Variants in NGLY1 observed in about 807,000 individuals in gnomAD.
NGLY1 encodes the protein peptide-N(4)-(N-acetyl-beta-glucosaminyl)asparagine amidase.
In NGLY1, 68 loss-of-function variants were observed where a neutral mutation model predicts 84.6. That is an observed-to-expected ratio of 0.80 (90% CI 0.66 to 0.98). NGLY1 has a LOEUF of 0.98. Ranked by LOEUF, NGLY1 falls within the 50% of genes least tolerant of loss-of-function variation. The pLI is 0.00. For synonymous variants in NGLY1, 280 were observed against 275.2 expected, an observed-to-expected ratio of 1.02 and a Z score of -0.17; for missense variants, 779 against 770.2, an observed-to-expected ratio of 1.01 and a Z score of -0.14.
rs999602043 is a variant in NGLY1 at position 25,719,394 on chromosome 3, A to C, written c.*66T>G. 3.5e-6 allele frequency: 5 copies of C among 1,431,466 alleles called. No individual in the cohort carries two copies. The African/African-American group carries it at 7.0e-5, about 20-fold the overall frequency. The allele number at this position is 1,431,466 out of a possible 1,614,324, so 88.7% of individuals were successfully genotyped here. ...GGTGGTAACTGCCAACTAAGCATGC[A>C]CTGAACCAACAGACTACTTCAGTAA... On this transcript the variant is annotated 3_prime_UTR_variant, in exon 12 of 12. Transcript: ENST00000280700.
In NGLY1 at chr3:25,733,481, G is replaced by A. The variant is rs1023991184; in HGVS notation, c.1260+391C>T. ...CTCACATGGACGTGTGTGTGTGTGTGTGTGTGTGTGTGTGTGTGTGTGTGT... is the reference window on the plus strand; with the variant it reads ...CTCACATGGACGTGTGTGTGTGTGTATGTGTGTGTGTGTGTGTGTGTGTGT... On this transcript the variant is annotated intron_variant, in intron 8 of 11. Transcript: ENST00000280700. 8.2e-3 allele frequency among the ~76,000 whole-genome samples: 1,206 copies of A among 146,340 alleles called. 19 individuals are homozygous for A. Among genetic ancestry groups the A allele is most frequent in the African/African-American group, 0.029 (1,126 of 38,374 alleles).
chr3:25,744,327 A>G (rs1479759297), intron 4 of NGLY1, among the ~76,000 whole-genome samples: 3 of 152,238 alleles, frequency 2.0e-5, no homozygotes, highest in Non-Finnish European at 4.4e-5. Flanking sequence ...ACATGCAATC[A>G]TGACAAACCT....
In NGLY1 at chr3:25,727,672, C is replaced by T. The variant is rs1194915687; in HGVS notation, c.1611+1461G>A. 3.3e-5 allele frequency among the ~76,000 whole-genome samples: 5 copies of T among 152,268 alleles called. No individual in the cohort carries two copies. In the South Asian group the frequency reaches 6.2e-4, roughly 19 times the overall value. ...AGGTCAGGAATCATCTTTTTGTTTA[C>T]GTAGCTGAGAATAATGCCTGGCACA... is the stretch of plus-strand genomic sequence containing the variant. On this transcript the variant is annotated intron_variant, in intron 10 of 11. Transcript: ENST00000280700.
chr3:25,762,220 A>G (rs1361404227), intron 3 of NGLY1, among the ~76,000 whole-genome samples: 1 of 152,206 alleles, frequency 6.6e-6, no homozygotes, highest in Admixed American at 6.5e-5. Flanking sequence ...ATGCTTTAAA[A>G]AATATCTCTC....
intron 2 of NGLY1, among the ~76,000 whole-genome samples, chr3:25,769,906 A>AT (rs1707812436): frequency 6.6e-6 from 1 of 152,074 alleles, no homozygotes. Flanking sequence ...CACTCAACTA[A>AT]AAGTATAGTC....
At chr3:25,777,290 G>A (rs974256622) in intron 2 of NGLY1, among the ~76,000 whole-genome samples, 1 of 151,762 alleles carries the variant, frequency 6.6e-6, no homozygotes, top group Admixed American at 6.6e-5. Flanking sequence ...AGCTACTCAG[G>A]AGGCTGAGGC....
Position 25,781,285 on chromosome 3 carries a change from C to T in NGLY1, c.131+1975G>A, listed in dbSNP as rs573924796. Among the ~76,000 whole-genome samples, 504 of 152,214 alleles carry T rather than the reference C, an allele frequency of 3.3e-3. 1 individual carries two copies. The highest frequency in any genetic ancestry group is 0.01 in the Middle Eastern group (3 of 294). Reference sequence around the variant, plus strand: ...ATTTTTATATCATCTCTGGACCTCACATTAATCTATTTTTCTCAGTAAAAG... The same window carrying T: ...ATTTTTATATCATCTCTGGACCTCATATTAATCTATTTTTCTCAGTAAAAG... On this transcript the variant is annotated intron_variant, in intron 1 of 11. Coordinates refer to ENST00000280700, the MANE Select transcript of NGLY1 (RefSeq NM_018297.4).
intron 10 of NGLY1, among the ~76,000 whole-genome samples, chr3:25,720,974 G>GA (rs1704959416): frequency 7.2e-6 from 1 of 139,696 alleles, no homozygotes; most frequent in South Asian, 2.3e-4. Flanking sequence ...TGAAATCTTG[G>GA]AAAGAAACCC....
intron 5 of NGLY1, among the ~76,000 whole-genome samples, 164 bp downstream of exon 5, chr3:25,739,413 A>T (rs1459788444): frequency 6.6e-6 from 1 of 152,218 alleles, no homozygotes; most frequent in East Asian, 1.9e-4. Context: ...TACTTACAAA[A>T]ACAGGATGTC....
intron 1 of NGLY1, among the ~76,000 whole-genome samples, chr3:25,779,633 C>T (rs950942536): frequency 6.6e-6 from 1 of 152,176 alleles, no homozygotes; most frequent in Non-Finnish European, 1.5e-5. Context: ...TAGGCAAATG[C>T]TAGCAAATGA....
At chr3:25,760,456 T>C (rs1707253399) in intron 3 of NGLY1, among the ~76,000 whole-genome samples, 2 of 152,206 alleles carry the variant, frequency 1.3e-5, no homozygotes, top group African/African-American at 4.8e-5. Context: ...AAGGACACAA[T>C]GTAATCCCCT....
At chr3:25,733,386 T>G (rs1705642429) in intron 8 of NGLY1, among the ~76,000 whole-genome samples, 1 of 152,114 alleles carries the variant, frequency 6.6e-6, no homozygotes, top group Non-Finnish European at 1.5e-5. Flanking sequence ...CCTTTCATCT[T>G]GGAACTCCAG....
chr3:25,787,723 G>A (rs150126311), upstream of NGLY1, among the ~76,000 whole-genome samples: 3 of 152,250 alleles, frequency 2.0e-5, no homozygotes, highest in South Asian at 2.1e-4. Flanking sequence ...TCTGAACTAC[G>A]GGATTAAATC....
Position 25,719,190 on chromosome 3 carries a change from A to C in NGLY1, c.*270T>G, listed in dbSNP as rs577516465. 5 of 264,200 alleles carry C rather than the reference A, an allele frequency of 1.9e-5. 1 individual carries two copies. The South Asian group carries it at 7.3e-4, about 38-fold the overall frequency. The allele number at this position is 264,200 out of a possible 1,614,324, so 16.4% of individuals were successfully genotyped here. ...CATGAATATCATTATTTAACTTTTA[A>C]AACCATACTTACAGTTTTAGATTAA... On this transcript the variant is annotated 3_prime_UTR_variant, in exon 12 of 12. Coordinates refer to ENST00000280700, the MANE Select transcript of NGLY1 (RefSeq NM_018297.4).
At chr3:25,736,535 T>C (rs1297627368) in intron 6 of NGLY1, 1 of 611,182 alleles carries the variant, frequency 1.6e-6, no homozygotes, top group African/African-American at 1.9e-5. Flanking sequence ...GCAGGAAGTC[T>C]AATAGAATCT....
intron 4 of NGLY1, among the ~76,000 whole-genome samples, chr3:25,749,069 GCTA>G (rs1706589268): frequency 6.6e-6 from 1 of 152,154 alleles, no homozygotes; most frequent in African/African-American, 2.4e-5. Context: ...CATTAGCATG[GCTA>G]CTATTGAAAA....
intron 4 of NGLY1, chr3:25,749,614 C>T (rs541545741): frequency 1.6e-5 from 23 of 1,460,060 alleles, no homozygotes; most frequent in African/African-American, 8.3e-5. Flanking sequence ...GAGGTATTGA[C>T]GACAGGGTTC....
At chr3:25,786,670 G>A (rs576975018), upstream of NGLY1, among the ~76,000 whole-genome samples, 5 of 152,288 alleles carry the variant, frequency 3.3e-5, no homozygotes, top group East Asian at 9.6e-4. Context: ...AGAGATTACA[G>A]TTACTCAAGA....
chr3:25,743,020 T>C lies in NGLY1; in HGVS notation c.659-3221A>G, dbSNP rs983571048. ...CTCATAAAAAGCAAGTAAATGGAGA[T>C]TTTACACACAGAGAAGGCAATGTGA... On this transcript the variant is annotated intron_variant, in intron 4 of 11. Transcript: ENST00000280700. Among the ~76,000 whole-genome samples the C allele has an allele frequency of 2.6e-5, 4 of 151,126 alleles. No homozygotes were observed. The East Asian group carries it at 7.8e-4, about 29-fold the overall frequency.
Sources: allele counts gnomAD v4.1 joint callset (sites outside exome capture counted in the v4.1 genomes callset), GRCh38; gene constraint gnomAD v4.1.1; transcripts MANE v1.5; gene names NCBI Gene and HGNC (gene_info 2026-07-23, HGNC 2026-07-21).